Variants in XYLB observed in about 807,000 individuals in gnomAD.
The protein encoded by XYLB is xylulokinase.
XYLB carries 62 observed loss-of-function variants against 78.7 expected under a neutral mutation model. The observed-to-expected ratio is 0.79, with a 90% CI of 0.64 to 0.97. The LOEUF (loss-of-function observed/expected upper bound fraction) is 0.97. Ranked by LOEUF, XYLB falls within the 50% of genes least tolerant of loss-of-function variation. The probability of loss-of-function intolerance (pLI) is 0.00; values close to 1 mark genes in which losing one functional copy is unlikely to be tolerated. For synonymous variants in XYLB, 245 were observed against 247.4 expected, an observed-to-expected ratio of 0.99 and a Z score of 0.09; for missense variants, 687 against 676.8, an observed-to-expected ratio of 1.02 and a Z score of -0.17.
At chr3:38,421,548 G>A (rs1004888376), downstream of XYLB, among the ~76,000 whole-genome samples, 13 of 152,328 alleles carry the variant, frequency 8.5e-5, no homozygotes, top group East Asian at 1.5e-3. Flanking sequence ...CCGGACCGAG[G>A]AACTGTGAAT....
downstream of XYLB, among the ~76,000 whole-genome samples, chr3:38,424,144 T>C (rs919873586): frequency 6.6e-6 from 1 of 152,102 alleles, no homozygotes; most frequent in Non-Finnish European, 1.5e-5. Flanking sequence ...CTCAAATAAA[T>C]AGAATAGATC....
chr3:38,443,423 C>A, the XYLB span, among the ~76,000 whole-genome samples: 1 of 151,984 alleles, frequency 6.6e-6, no homozygotes, highest in Non-Finnish European at 1.5e-5. Context: ...TTGTTTCTCA[C>A]TGGACAATCT....
chr3:38,375,129 C>T lies in XYLB; in HGVS notation c.889-15C>T. On this transcript the variant is annotated splice_polypyrimidine_tract_variant and intron_variant, in intron 11 of 18. Coordinates refer to ENST00000207870, the MANE Select transcript of XYLB (RefSeq NM_005108.4). ...GCAAAGCCCAAGGTGCCCACCTCTG[C>T]CTATCTCTCCTCAGGTCAGCCTGGG... 6.2e-7 allele frequency: 1 copy of T among 1,609,868 alleles called. No homozygotes were observed. The highest frequency in any genetic ancestry group is 8.5e-7 in the Non-Finnish European group (1 of 1,177,326).
the XYLB span, among the ~76,000 whole-genome samples, chr3:38,434,082 C>T: frequency 6.6e-6 from 1 of 152,048 alleles, no homozygotes; most frequent in African/African-American, 2.4e-5. Context: ...GTGGGGAAGC[C>T]CCTTATAAAA....
chr3:38,435,479 G>A, the XYLB span, among the ~76,000 whole-genome samples: 1 of 152,156 alleles, frequency 6.6e-6, no homozygotes, highest in Non-Finnish European at 1.5e-5. Flanking sequence ...GAGATAGCCT[G>A]CAATACAATC....
chr3:38,435,840 C>T, the XYLB span, among the ~76,000 whole-genome samples: 17 of 151,684 alleles, frequency 1.1e-4, no homozygotes, highest in East Asian at 5.8e-4. Flanking sequence ...TGCTCCTGAA[C>T]GACAATTGAG....
intron 18 of XYLB, among the ~76,000 whole-genome samples, chr3:38,409,392 T>C (rs2125674525): frequency 6.6e-6 from 1 of 152,254 alleles, no homozygotes; most frequent in East Asian, 1.9e-4. Flanking sequence ...TATCTCAAAA[T>C]AATAAGAGCT....
intron 3 of XYLB, 108 bp from the exon 4 acceptor site, chr3:38,362,829 C>A: frequency 1.2e-6 from 1 of 857,830 alleles, no homozygotes; most frequent in Non-Finnish European, 1.7e-6. Context: ...TCATCATCTG[C>A]CCAGAGTACT....
At chr3:38,402,287 GTC>G (rs1343497690) in intron 18 of XYLB, among the ~76,000 whole-genome samples, 2 of 152,106 alleles carry the variant, frequency 1.3e-5, no homozygotes, top group Non-Finnish European at 2.9e-5. Flanking sequence ...TCTCTCCAGT[GTC>G]TCTGCCCTGG....
At chr3:38,420,919 G>C (rs988354849), downstream of XYLB, among the ~76,000 whole-genome samples, 1 of 152,148 alleles carries the variant, frequency 6.6e-6, no homozygotes, top group African/African-American at 2.4e-5. Flanking sequence ...GGCCCCGCCC[G>C]GAGCAAAAAA....
chr3:38,363,743 C>T (rs1445575937), intron 4 of XYLB, among the ~76,000 whole-genome samples: 3 of 152,282 alleles, frequency 2.0e-5, no homozygotes, highest in South Asian at 2.1e-4. Flanking sequence ...CTGTTATTAT[C>T]GTTGATATTT....
intron 17 of XYLB, 108 bp from the exon 18 acceptor site, chr3:38,400,783 A>G: frequency 1.2e-6 from 1 of 811,452 alleles, no homozygotes. Context: ...CCATCACTAT[A>G]ATCCAGTTTT....
downstream of XYLB, among the ~76,000 whole-genome samples, chr3:38,419,578 T>TTATATATATATATAGATATATATATATA (rs1708907665): frequency 2.9e-5 from 2 of 68,278 alleles, no homozygotes; most frequent in African/African-American, 8.8e-5. Context: ...TTATTTTTCT[T>TTATATATATATATAGATATATATATATA]TATATATATA....
chr3:38,406,171 T>A (rs1229221108), intron 18 of XYLB, among the ~76,000 whole-genome samples: 1 of 152,092 alleles, frequency 6.6e-6, no homozygotes, highest in African/African-American at 2.4e-5. Flanking sequence ...CACGGCCGGG[T>A]ACTCCTCTGA....
intron 11 of XYLB, among the ~76,000 whole-genome samples, 187 bp downstream of exon 11, chr3:38,374,689 G>A (rs537448191): frequency 1.3e-4 from 20 of 152,186 alleles, no homozygotes; most frequent in South Asian, 1.0e-3. Context: ...GGATGGGGGC[G>A]CACATCTTTC....
At chr3:38,364,129 T>C (rs957824451) in intron 4 of XYLB, among the ~76,000 whole-genome samples, 2 of 151,906 alleles carry the variant, frequency 1.3e-5, no homozygotes, top group African/African-American at 2.4e-5. Flanking sequence ...CTGAGTTCTG[T>C]CTCCCTTCAG....
At chr3:38,375,116 G>A in intron 11 of XYLB, 28 bp from the exon 12 acceptor site, 1 of 1,588,578 alleles carries the variant, frequency 6.3e-7, no homozygotes, top group East Asian at 2.3e-5. Flanking sequence ...AAAGCCCAAG[G>A]TGCCCACCTC....
intron 15 of XYLB, among the ~76,000 whole-genome samples, chr3:38,391,284 G>T (rs1707645048): frequency 1.3e-5 from 2 of 152,108 alleles, no homozygotes; most frequent in South Asian, 4.1e-4. Flanking sequence ...GTCTTGCTGT[G>T]CTCCTCTTCC....
At chr3:38,404,764 T>G (rs1708245388) in intron 18 of XYLB, among the ~76,000 whole-genome samples, 1 of 152,112 alleles carries the variant, frequency 6.6e-6, no homozygotes, top group Non-Finnish European at 1.5e-5. Context: ...AGGTGGAAGC[T>G]TCAGTTAATC....
Sources: gnomAD v4.1 joint callset for allele counts (sites outside exome capture counted in the v4.1 genomes callset) on GRCh38, gnomAD v4.1.1 for gene constraint, MANE v1.5 for transcripts, NCBI Gene and HGNC (gene_info 2026-07-23, HGNC 2026-07-21) for gene names.